Variants in RNF19A observed in about 807,000 individuals in gnomAD.
RNF19A encodes ring finger protein 19A, RBR E3 ubiquitin protein ligase.
A neutral mutation model predicts 75.7 loss-of-function variants in RNF19A; 32 were observed. The observed-to-expected ratio is 0.42, with a 90% CI of 0.32 to 0.57. The LOEUF (loss-of-function observed/expected upper bound fraction) is 0.57. Among genes scored for constraint, RNF19A ranks in the 20% least tolerant of loss-of-function variants. The probability of loss-of-function intolerance (pLI) is 0.10; values close to 1 mark genes in which losing one functional copy is unlikely to be tolerated. For synonymous variants in RNF19A, 335 were observed against 345.2 expected (o/e 0.97, Z 0.33); for missense variants, 782 against 1,036.3 (o/e 0.75, Z 3.37).
At chr8:100,282,109 G>A (rs894333601) in intron 2 of RNF19A, among the ~76,000 whole-genome samples, 2 of 152,176 alleles carry the variant, frequency 1.3e-5, no homozygotes, top group African/African-American at 4.8e-5. Context: ...GTGTTAGCCA[G>A]CCATTTTGGC....
Position 100,330,918 on chromosome 8 carries a change from G to A in RNF19A, c.-243+5190C>T, listed in dbSNP as rs1329127095. On this transcript the variant is annotated intron_variant, in intron 1 of 3. Transcript: ENST00000519527. The surrounding 1 kb of genome is among the most constrained non-coding windows in gnomAD (Gnocchi z 4.1). Reference sequence around the variant, plus strand: ...GCGAAAAGTGCAGACTGGCTCCAAGGCTCTGAGCTGGTCTTTCTGAAATCT... The same window carrying A: ...GCGAAAAGTGCAGACTGGCTCCAAGACTCTGAGCTGGTCTTTCTGAAATCT... Among the ~76,000 whole-genome samples, 1 of 152,192 alleles carries A rather than the reference G, an allele frequency of 6.6e-6. No individual in the cohort carries two copies. The highest frequency in any genetic ancestry group is 1.5e-5 in the Non-Finnish European group (1 of 68,042).
At chr8:100,285,471 C>T (rs1346073914) in intron 2 of RNF19A, among the ~76,000 whole-genome samples, 1 of 152,048 alleles carries the variant, frequency 6.6e-6, no homozygotes, top group African/African-American at 2.4e-5. Context: ...AATTAGGTTG[C>T]TAGTATTAAC....
Position 100,329,444 on chromosome 8 carries a change from A to AAAAC in RNF19A, c.-243+6660_-243+6663dup, listed in dbSNP as rs545395260. ...CAGTGCTGCAAAAACAAAACAAAAC[A>AAAAC]AAACAAACAAACAAACAAAAAAAGT... On this transcript the variant is annotated intron_variant, in intron 1 of 3. Transcript: ENST00000519527. The surrounding 1 kb of genome is among the most constrained non-coding windows in gnomAD (Gnocchi z 4.3). Among the ~76,000 whole-genome samples the AAAAC allele has an allele frequency of 7.2e-5, 11 of 152,202 alleles. No individual in the cohort carries two copies. The highest frequency in any genetic ancestry group is 1.9e-4 in the East Asian group (1 of 5,202).
Position 100,258,652 on chromosome 8 carries a change from A to G in RNF19A, c.2421T>C (p.Asn807=). The G allele has an allele frequency of 1.2e-6, 2 of 1,614,110 alleles. No individual in the cohort carries two copies. Among genetic ancestry groups the G allele is most frequent in the South Asian group, 2.2e-5 (2 of 91,078 alleles). Residue 807 remains asparagine, a synonymous_variant, in exon 10 of 10, where the codon AAT becomes AAC. Transcript: ENST00000341084. This position sits in a 1 kb window ranked among gnomAD's most constrained non-coding sequence, Gnocchi z 4.3. ...EEHGNNGIKP[N]VDLYFGDALK... The stretch of plus-strand genomic sequence containing the variant: ...GTGCATCGCCAAAATATAAATCAAC[A>G]TTAGGTTTTATTCCATTGTTACCAT...
upstream of RNF19A, chr8:100,310,027 G>A (rs1262747338): frequency 7.1e-6 from 7 of 985,378 alleles, no homozygotes; most frequent in Admixed American, 6.1e-5. Flanking sequence ...GAGTCCCGAC[G>A]GCCGCTTTCC....
chr8:100,267,809 G>A (rs1417464426), intron 5 of RNF19A, among the ~76,000 whole-genome samples: 2 of 151,294 alleles, frequency 1.3e-5, no homozygotes, highest in Non-Finnish European at 2.9e-5. Flanking sequence ...CCCGAGTCTG[G>A]GATTACAGGC....
At position 100,260,908 on chromosome 8, in the gene RNF19A, C is replaced by T. The variant is rs1334545964; in HGVS notation, c.1682+634G>A. Among the ~76,000 whole-genome samples the T allele has an allele frequency of 1.3e-5, 2 of 152,198 alleles. No homozygotes were observed. Among genetic ancestry groups the T allele is most frequent in the African/African-American group, 2.4e-5 (1 of 41,448 alleles). On this transcript the variant is annotated intron_variant, in intron 8 of 9. Coordinates refer to ENST00000341084, the MANE Select transcript of RNF19A (RefSeq NM_183419.4). The surrounding 1 kb of genome is among the most constrained non-coding windows in gnomAD (Gnocchi z 4.1). ...TCCTGACTCCACCTGTTTCCCAGGA[C>T]TCAGCCAAAGTCCCATCTCCTAATA...
chr8:100,291,967 CTTTTTTTTTT>C (rs56737985), intron 1 of RNF19A, among the ~76,000 whole-genome samples: 3 of 99,988 alleles, frequency 3.0e-5, no homozygotes, highest in Non-Finnish European at 5.8e-5. Context: ...AGGACTAAGT[CTTTTTTTTTT>C]TTTTTTTTTT....
chr8:100,317,343 C>CAT lies in RNF19A; in HGVS notation c.-242-3972_-242-3971insAT, dbSNP rs1035279845. Among the ~76,000 whole-genome samples the CAT allele has an allele frequency of 3.3e-5, 5 of 152,230 alleles. No individual in the cohort carries two copies. Among genetic ancestry groups the CAT allele is most frequent in the Non-Finnish European group, 5.9e-5 (4 of 68,040 alleles). ...TCTGAGGACTGCCAGCACGCTGTCA[C>CAT]CTCTCATAAGTGTTTCAGTCATTAT... is the stretch of plus-strand genomic sequence containing the variant. On this transcript the variant is annotated intron_variant, in intron 1 of 3. Transcript: ENST00000519527. The surrounding 1 kb of genome is among the most constrained non-coding windows in gnomAD (Gnocchi z 4.3).
rs1822485002 is a variant in RNF19A at position 100,323,166 on chromosome 8, A to G, written c.-242-9794T>C. Among the ~76,000 whole-genome samples the G allele has an allele frequency of 6.6e-6, 1 of 152,240 alleles. No individual in the cohort carries two copies. Among genetic ancestry groups the G allele is most frequent in the Non-Finnish European group, 1.5e-5 (1 of 68,042 alleles). ...AAGCACAATAAAATGAGGTAAGCCCATAAATATTAGCTGTTACCCAGAGTG... is the reference window on the plus strand; with the variant it reads ...AAGCACAATAAAATGAGGTAAGCCCGTAAATATTAGCTGTTACCCAGAGTG... On this transcript the variant is annotated intron_variant, in intron 1 of 3. Coordinates refer to the RNF19A transcript ENST00000519527. This position sits in a 1 kb window ranked among gnomAD's most constrained non-coding sequence, Gnocchi z 4.6.
At chr8:100,334,104 C>T (rs911953905) in intron 1 of RNF19A, among the ~76,000 whole-genome samples, 2 of 152,194 alleles carry the variant, frequency 1.3e-5, no homozygotes, top group Non-Finnish European at 2.9e-5. Context: ...CCTCAGGCTC[C>T]CTTTGTGCCC....
At chr8:100,320,469 T>C (rs1342506751) in intron 1 of RNF19A, among the ~76,000 whole-genome samples, 1 of 152,200 alleles carries the variant, frequency 6.6e-6, no homozygotes. Flanking sequence ...GAAAACCTTT[T>C]AAAAGTTGAA....
At chr8:100,310,123 C>G, upstream of RNF19A, 1 of 985,570 alleles carries the variant, frequency 1.0e-6, no homozygotes, top group Non-Finnish European at 1.2e-6. Context: ...GCAGCCCCCG[C>G]TTTCCCCTCC....
chr8:100,307,472 A>C (rs901066770), intron 1 of RNF19A, among the ~76,000 whole-genome samples: 2 of 152,070 alleles, frequency 1.3e-5, no homozygotes, highest in African/African-American at 4.8e-5. Context: ...GTGTTGGAGA[A>C]GGGGGAGAAA....
chr8:100,279,514 C>T (rs539838656), intron 2 of RNF19A, among the ~76,000 whole-genome samples: 1 of 152,156 alleles, frequency 6.6e-6, no homozygotes, highest in East Asian at 1.9e-4. Context: ...ACTGAGATTA[C>T]AAGCGTGAGC....
chr8:100,315,732 C>G (rs1041055685), intron 1 of RNF19A, among the ~76,000 whole-genome samples: 7 of 152,132 alleles, frequency 4.6e-5, no homozygotes, highest in Non-Finnish European at 1.5e-5. Context: ...TCACCTTGAC[C>G]TCTTGGACTC....
chr8:100,301,090 T>G lies in RNF19A; in HGVS notation c.-94+8777A>C, dbSNP rs113482427. On this transcript the variant is annotated intron_variant, in intron 1 of 9. Coordinates refer to ENST00000341084, the MANE Select transcript of RNF19A (RefSeq NM_183419.4). ...GTTCGATGTATCACCACTAGTCCCA[T>G]GAGGCTATTTAAATTAAAATTAAAT... Among the ~76,000 whole-genome samples the G allele has an allele frequency of 4.6e-5, 7 of 152,364 alleles. 1 individual carries two copies. The highest frequency in any genetic ancestry group is 1.7e-4 in the African/African-American group (7 of 41,584).
Position 100,258,868 on chromosome 8 carries a change from G to C in RNF19A, c.2205C>G (p.Asp735Glu). 5.0e-6 allele frequency: 8 copies of C among 1,614,088 alleles called. No individual in the cohort carries two copies. The highest frequency in any genetic ancestry group is 6.8e-6 in the Non-Finnish European group (8 of 1,180,020). ...TACAAGAAGTTTTCATGCTTTCTAG[G>C]TCAGAACAACTAAATTCAGAAAAAT... The part of the protein sequence containing the change: ...SSHFSEFSCS[D>E]LESMKTSCSH... The change falls in exon 10 of 10, where the codon GAC (aspartate) becomes GAG (glutamate). Residue 735 changes from aspartate to glutamate, a missense_variant. Transcript: ENST00000341084. The surrounding 1 kb of genome is among the most constrained non-coding windows in gnomAD (Gnocchi z 4.3).
upstream of RNF19A, among the ~76,000 whole-genome samples, chr8:100,312,999 T>G (rs918913496): frequency 1.3e-5 from 2 of 152,240 alleles, no homozygotes; most frequent in Middle Eastern, 3.2e-3. Context: ...TGACCAAGGT[T>G]GGAAACCACT....
Sources: allele counts gnomAD v4.1 joint callset (sites outside exome capture counted in the v4.1 genomes callset), GRCh38; gene constraint gnomAD v4.1.1; non-coding constraint Gnocchi (gnomAD v3.1); transcripts MANE v1.5; gene names NCBI Gene and HGNC (gene_info 2026-07-23, HGNC 2026-07-21).